The following AVEN variants were observed in gnomAD, a reference collection of about 807,000 sequenced individuals.
AVEN encodes cell death regulator Aven.
In AVEN, 41 loss-of-function variants were observed where a neutral mutation model predicts 38.1. That is an observed-to-expected ratio of 1.08 (90% CI 0.84 to 1.40). AVEN has a LOEUF of 1.40. AVEN is among the 40% of genes most tolerant of loss of function. The pLI, the probability that AVEN is intolerant of heterozygous loss-of-function variation, is 0.00. For missense variants in AVEN, 605 were observed against 438.8 expected (o/e 1.38, Z -3.38); for synonymous variants, 206 against 171.8 (o/e 1.20, Z -1.56).
chr15:33,865,199 T>C (rs773878719), downstream of AVEN: 2 of 1,613,626 alleles, frequency 1.2e-6, no homozygotes, highest in South Asian at 2.2e-5. Context: ...ACTGCTTTCG[T>C]AAACAATATG....
chr15:33,857,807 G>A (rs764675070), downstream of AVEN: 13 of 1,613,986 alleles, frequency 8.1e-6, no homozygotes, highest in South Asian at 6.6e-5. Context: ...TCTCCTGGCC[G>A]TGGTGGTTTA....
intron 2 of AVEN, among the ~76,000 whole-genome samples, chr15:33,962,176 G>A (rs1167264240): frequency 6.6e-6 from 1 of 151,972 alleles, no homozygotes; most frequent in Admixed American, 6.6e-5. Context: ...GAAAAACAAA[G>A]GAATGGGGGA....
chr15:33,968,335 CAGAG>C (rs957497017), intron 2 of AVEN, among the ~76,000 whole-genome samples: 4 of 152,062 alleles, frequency 2.6e-5, no homozygotes, highest in Non-Finnish European at 5.9e-5. Context: ...GCTGTTCAAA[CAGAG>C]AACACCTATC....
intron 2 of AVEN, among the ~76,000 whole-genome samples, chr15:33,890,333 G>A (rs1891886229): frequency 6.6e-6 from 1 of 152,148 alleles, no homozygotes; most frequent in Non-Finnish European, 1.5e-5. Flanking sequence ...CTGGTGCGGT[G>A]CCTGGCACAC....
chr15:33,999,668 C>T (rs1382268529), intron 2 of AVEN, among the ~76,000 whole-genome samples: 2 of 152,132 alleles, frequency 1.3e-5, no homozygotes, highest in Non-Finnish European at 2.9e-5. Context: ...CACTTTTCAC[C>T]ACCTCCACTG....
chr15:33,891,603 C>A (rs1455793105), intron 2 of AVEN, among the ~76,000 whole-genome samples: 1 of 152,102 alleles, frequency 6.6e-6, no homozygotes, highest in African/African-American at 2.4e-5. Context: ...TGTATATGTG[C>A]CACATTTTCT....
At chr15:33,881,396 TTTATTA>T (rs890189826) in intron 2 of AVEN, among the ~76,000 whole-genome samples, 17 of 151,792 alleles carry the variant, frequency 1.1e-4, no homozygotes, top group African/African-American at 3.4e-4. Context: ...AGAGGCTACT[TTTATTA>T]TTATGTTTTA....
chr15:34,024,207 G>A (rs1898335754), intron 1 of AVEN, among the ~76,000 whole-genome samples: 1 of 152,132 alleles, frequency 6.6e-6, no homozygotes, highest in South Asian at 2.1e-4. Flanking sequence ...CATGAAGTTT[G>A]CATTCCACCA....
chr15:33,971,358 A>G lies in AVEN; in HGVS notation c.445+31674T>C, dbSNP rs946470351. Among the ~76,000 whole-genome samples the G allele has an allele frequency of 2.6e-5, 4 of 152,066 alleles. No homozygotes were observed. The East Asian group carries it at 7.7e-4, about 29-fold the overall frequency. ...TTAGTTCCTTTCATAGAAATGGAGC[A>G]AATATTTTGGCTGCCATATCCTTAT... On this transcript the variant is annotated intron_variant, in intron 2 of 5. Transcript: ENST00000306730.
At chr15:33,946,394 A>C (rs1894510017) in intron 2 of AVEN, among the ~76,000 whole-genome samples, 1 of 152,158 alleles carries the variant, frequency 6.6e-6, no homozygotes, top group Non-Finnish European at 1.5e-5. Context: ...TCACATAACC[A>C]ACACTCCTTC....
intron 4 of AVEN, chr15:34,064,310 A>G: frequency 3.7e-6 from 6 of 1,610,682 alleles, no homozygotes; most frequent in Non-Finnish European, 5.1e-6. Context: ...ACAGCAAGCT[A>G]CCCTGAAAAG....
At chr15:33,991,770 G>C (rs1178300036) in intron 2 of AVEN, 1 of 152,158 alleles carries the variant, frequency 6.6e-6, no homozygotes, top group Non-Finnish European at 1.5e-5. Context: ...ACAAGGAAGA[G>C]ATGTGGAAAT....
chr15:33,929,538 T>C (rs919651072), intron 2 of AVEN, among the ~76,000 whole-genome samples: 3 of 152,224 alleles, frequency 2.0e-5, no homozygotes, highest in African/African-American at 7.2e-5. Context: ...ACAAGGCTGC[T>C]AAATTACTAA....
At chr15:33,855,205 T>A (rs1413919877), downstream of AVEN, among the ~76,000 whole-genome samples, 2 of 113,114 alleles carry the variant, frequency 1.8e-5, no homozygotes, top group Non-Finnish European at 3.8e-5. Context: ...CTTGGAGATC[T>A]TTTTTTTTTT....
chr15:33,941,697 A>G (rs993845609), intron 2 of AVEN, among the ~76,000 whole-genome samples: 1 of 152,230 alleles, frequency 6.6e-6, no homozygotes, highest in African/African-American at 2.4e-5. Context: ...GCCTTAAGAC[A>G]TATCCTATGA....
intron 2 of AVEN, among the ~76,000 whole-genome samples, chr15:33,878,730 T>C (rs1463499183): frequency 1.3e-5 from 2 of 152,206 alleles, no homozygotes; most frequent in African/African-American, 2.4e-5. Context: ...ATTAGATCTT[T>C]GTGTATTAGA....
intron 2 of AVEN, among the ~76,000 whole-genome samples, chr15:33,970,971 A>G (rs542322264): frequency 6.6e-6 from 1 of 152,024 alleles, no homozygotes; most frequent in Non-Finnish European, 1.5e-5. Context: ...GCTTTGCTCT[A>G]TAATAACCCA....
Position 33,988,847 on chromosome 15 carries a change from T to C in AVEN, c.445+14185A>G, listed in dbSNP as rs1896596421. On this transcript the variant is annotated intron_variant, in intron 2 of 5. Coordinates refer to ENST00000306730, the MANE Select transcript of AVEN (RefSeq NM_020371.3). ...TCCATTAAATGAAACCAAATCCATT[T>C]TGAAAGATTTTCAGTAAAGGTGATT... Among the ~76,000 whole-genome samples the C allele has an allele frequency of 2.6e-5, 4 of 152,236 alleles. 1 individual carries two copies. The highest frequency in any genetic ancestry group is 2.6e-4 in the Admixed American group (4 of 15,286).
At chr15:34,041,083 C>T (rs1225022394), upstream of AVEN, among the ~76,000 whole-genome samples, 1 of 151,856 alleles carries the variant, frequency 6.6e-6, no homozygotes. Context: ...CGGAGTTTCT[C>T]AATGTTGGCA....
Sources: allele counts gnomAD v4.1 joint callset (sites outside exome capture counted in the v4.1 genomes callset), GRCh38; gene constraint gnomAD v4.1.1; transcripts MANE v1.5; gene names NCBI Gene and HGNC (gene_info 2026-07-23, HGNC 2026-07-21).